Variants in MAN1A2 observed in about 807,000 individuals in gnomAD.
MAN1A2 encodes mannosyl-oligosaccharide 1,2-alpha-mannosidase IB.
Under a neutral mutation model 75.7 loss-of-function variants are expected in MAN1A2, and 26 were observed. The observed-to-expected ratio is 0.34, with a 90% CI of 0.25 to 0.48. The LOEUF is 0.48. Among genes scored for constraint, MAN1A2 ranks in the 20% least tolerant of loss-of-function variants. The pLI, the probability that MAN1A2 is intolerant of heterozygous loss-of-function variation, is 0.99. For synonymous variants in MAN1A2, 247 were observed against 264.6 expected, an observed-to-expected ratio of 0.93 and a Z score of 0.65; for missense variants, 562 against 775.5, an observed-to-expected ratio of 0.72 and a Z score of 3.27.
chr1:117,477,599 A>G (rs1650363174), intron 8 of MAN1A2, among the ~76,000 whole-genome samples: 1 of 152,048 alleles, frequency 6.6e-6, no homozygotes, highest in Non-Finnish European at 1.5e-5. Context: ...CCTTCAAGCT[A>G]AAAACTCTCA....
At chr1:117,390,242 T>G (rs1653672756) in intron 1 of MAN1A2, among the ~76,000 whole-genome samples, 1 of 152,138 alleles carries the variant, frequency 6.6e-6, no homozygotes, top group Non-Finnish European at 1.5e-5. Flanking sequence ...ATAGAATTCG[T>G]CAGTGAAATA....
chr1:117,442,472 C>A, intron 6 of MAN1A2, 147 bp downstream of exon 6: 1 of 571,056 alleles, frequency 1.8e-6, no homozygotes, highest in Non-Finnish European at 3.1e-6. Context: ...TGTGTATATG[C>A]ATAAATGTGT....
chr1:117,427,611 C>G (rs1273317763), intron 5 of MAN1A2, among the ~76,000 whole-genome samples: 3 of 151,984 alleles, frequency 2.0e-5, no homozygotes, highest in African/African-American at 7.3e-5. Flanking sequence ...TGGTGATGGA[C>G]CTGAATTTCA....
chr1:117,517,198 A>G (rs879450312), intron 12 of MAN1A2, among the ~76,000 whole-genome samples: 20 of 152,188 alleles, frequency 1.3e-4, no homozygotes, highest in Admixed American at 7.2e-4. Flanking sequence ...TACATCCCTG[A>G]ACAAAACTCA....
At chr1:117,521,381 A>T (rs1317766438) in intron 12 of MAN1A2, among the ~76,000 whole-genome samples, 1 of 152,022 alleles carries the variant, frequency 6.6e-6, no homozygotes, top group Non-Finnish European at 1.5e-5. Context: ...CAACCCACAG[A>T]GTGGGAGAAG....
intron 5 of MAN1A2, among the ~76,000 whole-genome samples, chr1:117,436,270 G>T (rs1648847674): frequency 6.6e-6 from 1 of 152,158 alleles, no homozygotes; most frequent in African/African-American, 2.4e-5. Context: ...TGGGGAAGAG[G>T]TTTTAATTAG....
At position 117,525,511 on chromosome 1, in the gene MAN1A2, A is replaced by C. The variant is rs1651988707; in HGVS notation, c.*2554A>C. 1 of 159,402 alleles carries C rather than the reference A, an allele frequency of 6.3e-6. No individual in the cohort carries two copies. Among genetic ancestry groups the C allele is most frequent in the African/African-American group, 2.4e-5 (1 of 41,560 alleles). 9.9% of individuals were successfully genotyped at this position (159,402 alleles called of 1,614,324 possible). On this transcript the variant is annotated 3_prime_UTR_variant, in exon 13 of 13. Coordinates refer to ENST00000356554, the MANE Select transcript of MAN1A2 (RefSeq NM_006699.5). ...TTGTAGACCTTAATACTCAGGTTAA[A>C]TATTCATTGCATTTATAAGATCTTC...
At chr1:117,384,915 G>T (rs1485761126) in intron 1 of MAN1A2, among the ~76,000 whole-genome samples, 1 of 152,172 alleles carries the variant, frequency 6.6e-6, no homozygotes, top group Non-Finnish European at 1.5e-5. Context: ...GATGTAATTT[G>T]CAGAGTCTAA....
At chr1:117,454,847 A>G (rs1232498714) in intron 6 of MAN1A2, among the ~76,000 whole-genome samples, 1 of 152,170 alleles carries the variant, frequency 6.6e-6, no homozygotes, top group Non-Finnish European at 1.5e-5. Context: ...CTTACATTAT[A>G]TGTGAAGTGG....
chr1:117,461,334 G>A (rs1402049580), intron 7 of MAN1A2, among the ~76,000 whole-genome samples: 1 of 152,176 alleles, frequency 6.6e-6, no homozygotes, highest in Admixed American at 6.6e-5. Context: ...TCATTCATAT[G>A]TGGGAGCTAA....
At chr1:117,441,595 T>A (rs1356617883) in intron 5 of MAN1A2, among the ~76,000 whole-genome samples, 1 of 152,148 alleles carries the variant, frequency 6.6e-6, no homozygotes, top group African/African-American at 2.4e-5. Context: ...TCTATATACA[T>A]CTTGATAATA....
At chr1:117,428,579 C>T (rs1240920463) in intron 5 of MAN1A2, among the ~76,000 whole-genome samples, 1 of 145,272 alleles carries the variant, frequency 6.9e-6, no homozygotes, top group Admixed American at 7.1e-5. Context: ...AAGTCAAAGG[C>T]AAAAATAGTT....
intron 12 of MAN1A2, among the ~76,000 whole-genome samples, chr1:117,507,388 T>C (rs912635940): frequency 1.3e-5 from 2 of 151,610 alleles, no homozygotes; most frequent in Non-Finnish European, 3.0e-5. Flanking sequence ...GAATTCTGGG[T>C]TTTTAGCCAT....
At chr1:117,441,663 A>T (rs1649038107) in intron 5 of MAN1A2, among the ~76,000 whole-genome samples, 1 of 152,180 alleles carries the variant, frequency 6.6e-6, no homozygotes, top group Non-Finnish European at 1.5e-5. Context: ...AAAGTTTGGA[A>T]ACCACTGATA....
intron 12 of MAN1A2, among the ~76,000 whole-genome samples, chr1:117,509,840 G>A (rs982759389): frequency 4.0e-5 from 6 of 150,778 alleles, no homozygotes; most frequent in Non-Finnish European, 8.9e-5. Context: ...GAGTTTCTTT[G>A]TGCCTCACAT....
In MAN1A2 at chr1:117,505,158, A is replaced by G. The variant is rs1651319392; in HGVS notation, c.1793+2188A>G. ...TTCTTCTCTTGCATTTGTCTATTTT[A>G]TATTTCATTGCTTCTGGCAGGAATG... On this transcript the variant is annotated intron_variant, in intron 12 of 12. Transcript: ENST00000356554. 2.0e-5 allele frequency among the ~76,000 whole-genome samples: 3 copies of G among 151,484 alleles called. No homozygotes were observed. In the South Asian group the frequency reaches 6.2e-4, roughly 31 times the overall value.
At chr1:117,404,529 T>G (rs1647550069) in intron 2 of MAN1A2, among the ~76,000 whole-genome samples, 2 of 152,184 alleles carry the variant, frequency 1.3e-5, no homozygotes, top group Admixed American at 1.3e-4. Flanking sequence ...TCTTTCCTTT[T>G]GCTAGTTTCT....
intron 8 of MAN1A2, among the ~76,000 whole-genome samples, chr1:117,478,397 A>G (rs1477750903): frequency 6.6e-6 from 1 of 151,932 alleles, no homozygotes; most frequent in Non-Finnish European, 1.5e-5. Context: ...ATAGTGTTGA[A>G]AAGCAGAAGA....
At chr1:117,377,520 C>T (rs1412264551) in intron 1 of MAN1A2, among the ~76,000 whole-genome samples, 1 of 152,114 alleles carries the variant, frequency 6.6e-6, no homozygotes, top group East Asian at 1.9e-4. Flanking sequence ...TTCACAAATC[C>T]GTGTGAAACT....
Sources: allele counts gnomAD v4.1 joint callset (sites outside exome capture counted in the v4.1 genomes callset), GRCh38; gene constraint gnomAD v4.1.1; transcripts MANE v1.5; gene names NCBI Gene and HGNC (gene_info 2026-07-23, HGNC 2026-07-21).